DYM: variants seen among roughly 807,000 people sequenced by gnomAD.
The protein encoded by DYM is dymeclin.
A neutral mutation model predicts 93.1 loss-of-function variants in DYM; 78 were observed. The observed-to-expected ratio is 0.84, with a 90% CI of 0.70 to 1.01. The LOEUF (loss-of-function observed/expected upper bound fraction) is 1.01, where lower values mean the gene tolerates loss of function less well. Among genes scored for constraint, DYM ranks in the 50% least tolerant of loss-of-function variants. The pLI, the probability that DYM is intolerant of heterozygous loss-of-function variation, is 0.00. For synonymous variants in DYM, 321 were observed against 319.7 expected (o/e 1.00, Z -0.04); for missense variants, 789 against 845.0 (o/e 0.93, Z 0.82).
intron 17 of DYM, among the ~76,000 whole-genome samples, chr18:49,073,082 T>G (rs1437473335): frequency 6.6e-6 from 1 of 152,176 alleles, no homozygotes; most frequent in Non-Finnish European, 1.5e-5. Flanking sequence ...CGTGGATAAA[T>G]AAGAGTAAAA....
chr18:49,055,042 C>A (rs1398303263), intron 17 of DYM, among the ~76,000 whole-genome samples: 1 of 152,144 alleles, frequency 6.6e-6, no homozygotes, highest in African/African-American at 2.4e-5. Context: ...GAAACTTAAT[C>A]TTCGGTTTTC....
chr18:49,237,129 T>C (rs1320871707), intron 13 of DYM, among the ~76,000 whole-genome samples: 1 of 152,080 alleles, frequency 6.6e-6, no homozygotes, highest in Non-Finnish European at 1.5e-5. Flanking sequence ...TAAAGGACTG[T>C]ACACACTGAA....
At chr18:49,415,106 T>C (rs970808014) in intron 2 of DYM, among the ~76,000 whole-genome samples, 3 of 151,980 alleles carry the variant, frequency 2.0e-5, no homozygotes, top group African/African-American at 4.8e-5. Context: ...TGCTTCAACC[T>C]GAAGTCAGGA....
intron 5 of DYM, among the ~76,000 whole-genome samples, chr18:49,364,796 C>T (rs1424236458): frequency 6.6e-6 from 1 of 152,128 alleles, no homozygotes; most frequent in Non-Finnish European, 1.5e-5. Context: ...CAGTAACATT[C>T]CCTCTGCCTG....
At position 49,101,232 on chromosome 18, in the gene DYM, G is replaced by C. The variant is rs146158258; in HGVS notation, c.1912-3717C>G. On this transcript the variant is annotated intron_variant, in intron 16 of 17. Coordinates refer to ENST00000675505, the MANE Select transcript of DYM (RefSeq NM_001353214.3). ...AGAAAACATTCAAGTAAAACCTTTA[G>C]TGAAAGTGGGGATGAATGCTTTGTC... Among the ~76,000 whole-genome samples the C allele has an allele frequency of 6.7e-3, 1,025 of 152,274 alleles. 18 individuals are homozygous for C. Among genetic ancestry groups the C allele is most frequent in the African/African-American group, 0.024 (993 of 41,552 alleles).
intron 1 of DYM, among the ~76,000 whole-genome samples, chr18:49,446,181 G>T (rs2082079303): frequency 6.6e-6 from 1 of 151,862 alleles, no homozygotes; most frequent in African/African-American, 2.4e-5. Context: ...CAGCACTTTG[G>T]GAGGCCCAGG....
intron 17 of DYM, among the ~76,000 whole-genome samples, chr18:49,058,675 T>C (rs991193603): frequency 2.6e-5 from 4 of 152,220 alleles, no homozygotes; most frequent in Non-Finnish European, 5.9e-5. Flanking sequence ...CAATGATAGA[T>C]AATTCAATTT....
At chr18:49,240,458 G>C (rs2093983619) in intron 13 of DYM, among the ~76,000 whole-genome samples, 1 of 152,100 alleles carries the variant, frequency 6.6e-6, no homozygotes, top group South Asian at 2.1e-4. Context: ...TTAGTCATTT[G>C]AGAGATATTG....
chr18:49,249,912 C>G (rs1285023536), intron 13 of DYM, among the ~76,000 whole-genome samples: 1 of 152,166 alleles, frequency 6.6e-6, no homozygotes. Flanking sequence ...CTGTATTGCT[C>G]TCATAAAATT....
At chr18:49,433,696 C>T (rs1387196358) in intron 1 of DYM, among the ~76,000 whole-genome samples, 9 of 151,920 alleles carry the variant, frequency 5.9e-5, no homozygotes, top group African/African-American at 1.2e-4. Flanking sequence ...AGTGAAAACC[C>T]GTCTCTACTA....
chr18:49,200,567 T>C (rs957420596), intron 14 of DYM, among the ~76,000 whole-genome samples: 2 of 151,938 alleles, frequency 1.3e-5, no homozygotes, highest in African/African-American at 2.4e-5. Flanking sequence ...ATTGAGTTGA[T>C]AGGATATAGT....
At chr18:49,255,830 C>T (rs543087917) in intron 13 of DYM, among the ~76,000 whole-genome samples, 2 of 152,042 alleles carry the variant, frequency 1.3e-5, no homozygotes, top group Non-Finnish European at 2.9e-5. Context: ...TGCTAAAAAG[C>T]CCTGCAATGA....
intron 13 of DYM, among the ~76,000 whole-genome samples, chr18:49,244,704 G>C (rs2094124124): frequency 6.6e-6 from 1 of 151,948 alleles, no homozygotes; most frequent in Admixed American, 6.6e-5. Context: ...CTTCACAGAA[G>C]AAGAAGAAGA....
chr18:49,330,620 A>AT (rs1376101788), intron 8 of DYM, among the ~76,000 whole-genome samples: 9 of 152,224 alleles, frequency 5.9e-5, no homozygotes, highest in African/African-American at 2.2e-4. Context: ...TTACAGGCTT[A>AT]TACTATCTCT....
In DYM at chr18:49,228,723, T is replaced by C. The variant is rs554320031; in HGVS notation, c.1461-19008A>G. 5.6e-4 allele frequency among the ~76,000 whole-genome samples: 85 copies of C among 152,278 alleles called. 1 individual carries two copies. The highest frequency in any genetic ancestry group is 5.9e-4 in the Admixed American group (9 of 15,290). On this transcript the variant is annotated intron_variant, in intron 13 of 17. Transcript: ENST00000675505. ...CCTTATGAAGGCTACCTATCCTTTT[T>C]CAGGTAAAAGTTGTAACTGTTGGAT...
chr18:49,382,195 G>C (rs1458296385), intron 3 of DYM, among the ~76,000 whole-genome samples: 1 of 152,144 alleles, frequency 6.6e-6, no homozygotes, highest in African/African-American at 2.4e-5. Context: ...CTACTTGATT[G>C]ATGTAATTAA....
At chr18:49,092,536 T>C (rs954583092) in intron 17 of DYM, among the ~76,000 whole-genome samples, 2 of 152,186 alleles carry the variant, frequency 1.3e-5, no homozygotes, top group Non-Finnish European at 2.9e-5. Flanking sequence ...AGATGATACA[T>C]TTTTCTGAGG....
intron 6 of DYM, among the ~76,000 whole-genome samples, chr18:49,350,986 T>C (rs1208070905): frequency 2.0e-5 from 3 of 151,856 alleles, no homozygotes; most frequent in African/African-American, 7.3e-5. Context: ...TGTAAAAAGT[T>C]GAGATAAGAG....
At chr18:49,349,631 C>A (rs2064938727) in intron 6 of DYM, among the ~76,000 whole-genome samples, 1 of 152,144 alleles carries the variant, frequency 6.6e-6, no homozygotes, top group African/African-American at 2.4e-5. Flanking sequence ...AAGAGATATT[C>A]AACTTCACTT....
Sources: allele counts gnomAD v4.1 joint callset (sites outside exome capture counted in the v4.1 genomes callset), GRCh38; gene constraint gnomAD v4.1.1; transcripts MANE v1.5; gene names NCBI Gene and HGNC (gene_info 2026-07-23, HGNC 2026-07-21).